Variants in SDK1 observed in about 807,000 individuals in gnomAD.
SDK1 encodes the protein sidekick cell adhesion molecule 1.
Under a neutral mutation model 245.5 loss-of-function variants are expected in SDK1, and 157 were observed. The ratio of observed to expected loss-of-function variants is 0.64; its 90% CI spans 0.56 to 0.73. The LOEUF (loss-of-function observed/expected upper bound fraction) is 0.73, where lower values mean the gene tolerates loss of function less well. Among genes scored for constraint, SDK1 ranks in the 30% least tolerant of loss-of-function variants. The probability of loss-of-function intolerance (pLI) is 0.00; values close to 1 mark genes in which losing one functional copy is unlikely to be tolerated. For missense variants in SDK1, 3,583 were observed against 3,002.3 expected (o/e 1.19, Z -4.52); for synonymous variants, 1,647 against 1,278.5 (o/e 1.29, Z -6.15).
chr7:4,056,115 T>A (rs1160044758), intron 19 of SDK1, among the ~76,000 whole-genome samples: 1 of 151,442 alleles, frequency 6.6e-6, no homozygotes, highest in Non-Finnish European at 1.5e-5. Context: ...TTTTCAATTG[T>A]AAATTTTATG....
chr7:4,068,960 G>A (rs1029337724), intron 20 of SDK1, among the ~76,000 whole-genome samples: 1 of 152,090 alleles, frequency 6.6e-6, no homozygotes, highest in African/African-American at 2.4e-5. Flanking sequence ...GACCTCAAGT[G>A]ATCCACCTGC....
chr7:3,533,610 T>C (rs963094497), intron 1 of SDK1, among the ~76,000 whole-genome samples: 1 of 152,214 alleles, frequency 6.6e-6, no homozygotes, highest in Non-Finnish European at 1.5e-5. Context: ...TCCTTAAAAT[T>C]TAGAAATTCA....
At chr7:3,978,424 A>C (rs967321616) in intron 13 of SDK1, among the ~76,000 whole-genome samples, 2 of 152,236 alleles carry the variant, frequency 1.3e-5, no homozygotes, top group African/African-American at 4.8e-5. Flanking sequence ...CTAACGGTAA[A>C]ACATCTCATC....
chr7:3,505,451 C>G (rs1053538940), intron 1 of SDK1, among the ~76,000 whole-genome samples: 4 of 152,162 alleles, frequency 2.6e-5, no homozygotes, highest in East Asian at 1.9e-4. Flanking sequence ...GGGTCTCACT[C>G]TGTTGCTTCA....
chr7:3,538,307 C>G (rs1327291285), intron 1 of SDK1, among the ~76,000 whole-genome samples: 1 of 152,086 alleles, frequency 6.6e-6, no homozygotes, highest in Non-Finnish European at 1.5e-5. Context: ...TTTGTCTTTT[C>G]TTGTGTTTCC....
intron 5 of SDK1, among the ~76,000 whole-genome samples, chr7:3,920,561 G>T (rs1562537911): frequency 6.6e-6 from 1 of 152,066 alleles, no homozygotes; most frequent in Non-Finnish European, 1.5e-5. Context: ...AGGTGGGAGG[G>T]CAGGAAAAAA....
intron 1 of SDK1, among the ~76,000 whole-genome samples, chr7:3,551,574 A>G (rs1403132658): frequency 6.7e-6 from 1 of 148,174 alleles, no homozygotes; most frequent in Non-Finnish European, 1.5e-5. Context: ...TTTTTTTTTT[A>G]ATTTTTCTGG....
intron 22 of SDK1, among the ~76,000 whole-genome samples, chr7:4,082,102 A>C (rs575274583): frequency 6.6e-6 from 1 of 152,136 alleles, no homozygotes; most frequent in Non-Finnish European, 1.5e-5. Context: ...CCTTGTGGTT[A>C]CTTACCGTGG....
At chr7:4,049,623 A>G (rs574672862) in intron 18 of SDK1, among the ~76,000 whole-genome samples, 160 bp downstream of exon 18, 1 of 152,342 alleles carries the variant, frequency 6.6e-6, no homozygotes, top group East Asian at 1.9e-4. Context: ...AAGTCTTGGC[A>G]TCAGCTCTGC....
intron 4 of SDK1, among the ~76,000 whole-genome samples, chr7:3,695,898 C>G (rs1450970614): frequency 6.6e-6 from 1 of 152,226 alleles, no homozygotes; most frequent in Non-Finnish European, 1.5e-5. Flanking sequence ...ACAATCAAAG[C>G]TAATGAGCAA....
chr7:3,416,222 TAGAA>T (rs547857865), intron 1 of SDK1, among the ~76,000 whole-genome samples: 156 of 152,292 alleles, frequency 1.0e-3, no homozygotes, highest in African/African-American at 3.4e-3. Flanking sequence ...TAGGTAGTTG[TAGAA>T]AGAAAGATGT....
intron 22 of SDK1, among the ~76,000 whole-genome samples, chr7:4,098,327 G>A (rs1034548592): frequency 3.9e-5 from 6 of 152,088 alleles, no homozygotes; most frequent in Non-Finnish European, 8.8e-5. Flanking sequence ...AATCACAACC[G>A]TCAAACCAAA....
chr7:4,179,520 G>A (rs999593574), intron 35 of SDK1, among the ~76,000 whole-genome samples: 7 of 152,176 alleles, frequency 4.6e-5, no homozygotes, highest in African/African-American at 1.4e-4. Flanking sequence ...AAGCCCAGCG[G>A]ATTTTTTCCG....
At chr7:4,061,862 C>G (rs1320100663) in intron 19 of SDK1, among the ~76,000 whole-genome samples, 1 of 151,284 alleles carries the variant, frequency 6.6e-6, no homozygotes, top group Non-Finnish European at 1.5e-5. Flanking sequence ...AATCATCATT[C>G]TCAGTAAACT....
intron 30 of SDK1, among the ~76,000 whole-genome samples, chr7:4,154,674 C>G (rs554472884): frequency 6.6e-6 from 1 of 152,284 alleles, no homozygotes; most frequent in Non-Finnish European, 1.5e-5. Flanking sequence ...CACGACAGCC[C>G]TGGAAGCCCC....
chr7:3,461,569 G>A (rs973634998), intron 1 of SDK1, among the ~76,000 whole-genome samples: 1 of 152,160 alleles, frequency 6.6e-6, no homozygotes, highest in African/African-American at 2.4e-5. Flanking sequence ...TAAAAATCTG[G>A]ATTAGAATCC....
intron 9 of SDK1, among the ~76,000 whole-genome samples, chr7:3,965,177 T>C (rs1377072420): frequency 6.6e-6 from 1 of 152,276 alleles, no homozygotes; most frequent in South Asian, 2.1e-4. Context: ...TGTGTTCCAA[T>C]AAAACTTTAT....
chr7:4,119,634 G>A (rs189237418), intron 25 of SDK1, among the ~76,000 whole-genome samples: 1 of 148,816 alleles, frequency 6.7e-6, no homozygotes, highest in Non-Finnish European at 1.5e-5. Flanking sequence ...AAAACAAAAA[G>A]AAAATACACA....
rs766077188 is a variant in SDK1, at chr7:4,265,216, C to T, written c.6474C>T (p.Arg2158=). The T allele has an allele frequency of 1.2e-6, 2 of 1,609,872 alleles. No homozygotes were observed. The highest frequency in any genetic ancestry group is 1.7e-6 in the Non-Finnish European group (2 of 1,179,490). The change falls in exon 45 of 45, where the codon CGC becomes CGT. Residue 2158 remains arginine (R), a synonymous_variant. Transcript: ENST00000404826. ...CCACCTACTACAACTCATGGAAGCGCAGGGCCCAGGGCCGCGCACCTGCGC... is the reference window on the plus strand; with the variant it reads ...CCACCTACTACAACTCATGGAAGCGTAGGGCCCAGGGCCGCGCACCTGCGC... ...SDPTYYNSWK[R]RAQGRAPAPH... is the part of the protein sequence containing the mutation.
Sources: gnomAD v4.1 joint callset for allele counts (sites outside exome capture counted in the v4.1 genomes callset) on GRCh38, gnomAD v4.1.1 for gene constraint, MANE v1.5 for transcripts, NCBI Gene and HGNC (gene_info 2026-07-23, HGNC 2026-07-21) for gene names.